The following CNOT3 variants were observed in gnomAD, a reference collection of about 807,000 sequenced individuals.
The protein encoded by CNOT3 is CCR4-associated factor 3.
In CNOT3, 2 loss-of-function variants were observed where a neutral mutation model predicts 89.4. That is an observed-to-expected ratio of 0.02 (90% CI 0.01 to 0.07). The LOEUF is 0.07. Among genes scored for constraint, CNOT3 ranks in the 10% least tolerant of loss-of-function variants. CNOT3 has a pLI of 1.00. For synonymous variants in CNOT3, 486 were observed against 402.0 expected (o/e 1.21, Z -2.50); for missense variants, 664 against 1,010.2 (o/e 0.66, Z 4.65).
intron 13 of CNOT3, among the ~76,000 whole-genome samples, chr19:54,151,695 G>A (rs749044074): frequency 2.0e-5 from 3 of 152,166 alleles, no homozygotes. Flanking sequence ...GTGGCTGCGG[G>A]GCTGGAGACC....
chr19:54,149,841 C>T, intron 13 of CNOT3, 83 bp downstream of exon 13: 1 of 1,296,992 alleles, frequency 7.7e-7, no homozygotes, highest in Non-Finnish European at 1.0e-6. Context: ...CACCCCTTGC[C>T]CCCACCCTCT....
intron 17 of CNOT3, chr19:54,155,025 A>G (rs1041348217): frequency 7.9e-6 from 4 of 505,108 alleles, no homozygotes; most frequent in Non-Finnish European, 1.4e-5. Flanking sequence ...CCTCGAGGAA[A>G]CGAAGGCTGT....
chr19:54,155,662 G>T lies in CNOT3; in HGVS notation c.*255G>T. On this transcript the variant is annotated 3_prime_UTR_variant, in exon 18 of 18. Transcript: ENST00000221232. ...TATTTTCATTTTGGAAAATATTTAT[G>T]AATAAATAGTTTTATATGACGGCTG... is the stretch of plus-strand genomic sequence containing the variant. 7.1e-7 allele frequency: 1 copy of T among 1,410,724 alleles called. No individual in the cohort carries two copies. Among genetic ancestry groups the T allele is most frequent in the South Asian group, 1.3e-5 (1 of 76,714 alleles). The allele number at this position is 1,410,724 out of a possible 1,614,324, so 87.4% of individuals were successfully genotyped here. A position where few individuals can be genotyped will look rare whatever the true frequency, so the allele number is the denominator to read the frequency against.
Position 54,153,854 on chromosome 19 carries a change from C to A in CNOT3, c.2163+14C>A. On this transcript the variant is annotated intron_variant, in intron 17 of 17. Transcript: ENST00000221232. ...GAGTTTGAGCAGGTGAGGGCCCCGC[C>A]CCCTCTCTTCCCGCTGCTAGGGTTG... 1.9e-6 allele frequency: 3 copies of A among 1,614,108 alleles called. No homozygotes were observed. The highest frequency in any genetic ancestry group is 2.5e-6 in the Non-Finnish European group (3 of 1,179,952).
chr19:54,145,576 C>T lies in CNOT3; in HGVS notation c.484-22C>T, dbSNP rs774146815. 1 of 1,586,774 alleles carries T rather than the reference C, an allele frequency of 6.3e-7. No homozygotes were observed. Among genetic ancestry groups the T allele is most frequent in the Non-Finnish European group, 8.6e-7 (1 of 1,156,366 alleles). On this transcript the variant is annotated intron_variant, in intron 7 of 17. Coordinates refer to ENST00000221232, the MANE Select transcript of CNOT3 (RefSeq NM_014516.4). The surrounding 1 kb of genome is among the most constrained non-coding windows in gnomAD (Gnocchi z 5.9). ...AGCAGGTGCTCTGCAGCCCCTGAGCCTGGCCCTGGGCTCGCCAGCAGAAGC... is the reference window on the plus strand; with the variant it reads ...AGCAGGTGCTCTGCAGCCCCTGAGCTTGGCCCTGGGCTCGCCAGCAGAAGC...
chr19:54,155,411 C>A lies in CNOT3; in HGVS notation c.*4C>A. On this transcript the variant is annotated 3_prime_UTR_variant, in exon 18 of 18. Coordinates refer to ENST00000221232, the MANE Select transcript of CNOT3 (RefSeq NM_014516.4). ...GGAGGACCGGGACCTCCAGTGACAC[C>A]GGCCCCTCCCTCTACCCACCCCCTT... 1.3e-6 allele frequency: 2 copies of A among 1,577,214 alleles called. No homozygotes were observed. Among genetic ancestry groups the A allele is most frequent in the East Asian group, 2.3e-5 (1 of 43,504 alleles).
At chr19:54,152,348 G>A in intron 14 of CNOT3, 23 bp downstream of exon 14, 2 of 1,614,150 alleles carry the variant, frequency 1.2e-6, no homozygotes, top group South Asian at 1.1e-5. Flanking sequence ...GGATGGTGGG[G>A]AAGCAGCGGG....
chr19:54,144,233 C>G lies in CNOT3; in HGVS notation c.388-4C>G. 1 of 1,614,006 alleles carries G rather than the reference C, an allele frequency of 6.2e-7. No homozygotes were observed. Among genetic ancestry groups the G allele is most frequent in the Non-Finnish European group, 8.5e-7 (1 of 1,179,882 alleles). On this transcript the variant is annotated splice_region_variant and splice_polypyrimidine_tract_variant and intron_variant, in intron 6 of 17. Transcript: ENST00000221232. The surrounding 1 kb of genome is among the most constrained non-coding windows in gnomAD (Gnocchi z 4.8). ...TGGGCTTCCTCTTCCTCTCCCTCCC[C>G]TAGAATACCATCGACACGCTCAACA...
chr19:54,140,992 G>T (rs2074426002), intron 1 of CNOT3, among the ~76,000 whole-genome samples: 1 of 152,152 alleles, frequency 6.6e-6, no homozygotes, highest in South Asian at 2.1e-4. Context: ...ATGACCCTCT[G>T]TTGGGTTCTT....
chr19:54,148,529 G>A lies in CNOT3; in HGVS notation c.1276G>A (p.Ala426Thr), dbSNP rs770957095. ...AGGGAGKQNG[A>T]TSYSSVVADS... The stretch of plus-strand genomic sequence containing the variant: ...TGGAGGGGCTGGCAAGCAGAATGGC[G>A]CCACCAGTGAGTGAGGAGGCAGCGG... Residue 426 changes from alanine (A) to threonine (T), a missense_variant, in exon 11 of 18, where the codon GCC becomes ACC. Ala to Thr is a moderately conservative substitution (Grantham distance 58, BLOSUM62 0). Around this residue, in one of 8 missense-constraint regions of CNOT3, gnomAD observed 545 missense variants for 566.2 expected, o/e 0.96. Transcript: ENST00000221232. The surrounding 1 kb of genome is among the most constrained non-coding windows in gnomAD (Gnocchi z 6.3). The A allele has an allele frequency of 3.3e-5, 52 of 1,554,768 alleles. No homozygotes were observed. The highest frequency in any genetic ancestry group is 6.8e-5 in the African/African-American group (5 of 73,976).
chr19:54,149,885 T>C, intron 13 of CNOT3, 127 bp downstream of exon 13: 1 of 977,792 alleles, frequency 1.0e-6, no homozygotes, highest in Non-Finnish European at 1.5e-6. Flanking sequence ...TGTCCCCTTC[T>C]CACACTTGCT....
At chr19:54,143,350 G>GGA in intron 3 of CNOT3, 92 bp from the exon 4 acceptor site, 3 of 1,342,174 alleles carry the variant, frequency 2.2e-6, no homozygotes, top group Non-Finnish European at 3.2e-6. Flanking sequence ...GTTGGGGGGG[G>GGA]TCCTCGAGTC....
chr19:54,148,439 A>AGCGGAGGCGGAGGCGGAG lies in CNOT3; in HGVS notation c.1202_1203insAGGCGGAGGCGGAGGCGG (p.Gly397_Gly402dup). 1 of 1,568,922 alleles carries AGCGGAGGCGGAGGCGGAG rather than the reference A, an allele frequency of 6.4e-7. No homozygotes were observed. Among genetic ancestry groups the AGCGGAGGCGGAGGCGGAG allele is most frequent in the East Asian group, 2.3e-5 (1 of 44,340 alleles). ...GCCCCGGCCCCCCAGCGTCCAGCCT[A>AGCGGAGGCGGAGGCGGAG]GCGGAGGCGGAGGCGGCGGCAGCGG... On this transcript the variant is annotated inframe_insertion, in exon 11 of 18. Coordinates refer to ENST00000221232, the MANE Select transcript of CNOT3 (RefSeq NM_014516.4). This position sits in a 1 kb window ranked among gnomAD's most constrained non-coding sequence, Gnocchi z 6.3.
At position 54,144,654 on chromosome 19, in the gene CNOT3, G is replaced by A. The variant is rs2074584933; in HGVS notation, c.483+322G>A. ...CACAGAGTAAAAGTGAGACCTGAAG[G>A]ACACCCATGGCAAGAGGCCTCCTGG... On this transcript the variant is annotated intron_variant, in intron 7 of 17. Transcript: ENST00000221232. The surrounding 1 kb of genome is among the most constrained non-coding windows in gnomAD (Gnocchi z 4.8). 6.6e-6 allele frequency among the ~76,000 whole-genome samples: 1 copy of A among 152,174 alleles called. No individual in the cohort carries two copies. Among genetic ancestry groups the A allele is most frequent in the African/African-American group, 2.4e-5 (1 of 41,426 alleles).
chr19:54,151,377 G>C (rs909540381), intron 13 of CNOT3, among the ~76,000 whole-genome samples: 1 of 152,114 alleles, frequency 6.6e-6, no homozygotes, highest in Non-Finnish European at 1.5e-5. Flanking sequence ...ATGGTGGCAC[G>C]ACAGGGAAGG....
chr19:54,146,531 CAG>C (rs1425530477), intron 9 of CNOT3, 68 bp from the exon 10 acceptor site: 1 of 825,024 alleles, frequency 1.2e-6, no homozygotes, highest in Non-Finnish European at 2.2e-6. Flanking sequence ...CCGGGGCATT[CAG>C]AGATTGGCGG....
intron 3 of CNOT3, 99 bp from the exon 4 acceptor site, chr19:54,143,343 G>GGA: frequency 8.2e-7 from 1 of 1,217,910 alleles, no homozygotes; most frequent in Non-Finnish European, 1.2e-6. Flanking sequence ...GGTAGGGGTT[G>GGA]GGGGGGGTCC....
chr19:54,146,416 C>G (rs1431656355), intron 9 of CNOT3, among the ~76,000 whole-genome samples, 185 bp from the exon 10 acceptor site: 1 of 152,130 alleles, frequency 6.6e-6, no homozygotes, highest in Non-Finnish European at 1.5e-5. Flanking sequence ...TCCCAGAAAA[C>G]AAGAAGACTG....
chr19:54,142,752 C>T (rs1212914011), intron 1 of CNOT3, 177 bp from the exon 2 acceptor site: 7 of 604,054 alleles, frequency 1.2e-5, no homozygotes, highest in African/African-American at 7.4e-5. Context: ...GTTGGCCAGA[C>T]ACTATGCTGG....
Sources: gnomAD v4.1 joint callset for allele counts (sites outside exome capture counted in the v4.1 genomes callset) on GRCh38, gnomAD v4.1.1 for gene constraint, gnomAD v4.1.1 regional missense constraint, Gnocchi (gnomAD v3.1) non-coding constraint, MANE v1.5 for transcripts, NCBI Gene and HGNC (gene_info 2026-07-23, HGNC 2026-07-21) for gene names.